RGS12: variants seen among roughly 807,000 people sequenced by gnomAD.
The protein encoded by RGS12 is regulator of G protein signaling 12.
In RGS12, 66 loss-of-function variants were observed where a neutral mutation model predicts 120.1. That is an observed-to-expected ratio of 0.55 (90% CI 0.45 to 0.67). The LOEUF (loss-of-function observed/expected upper bound fraction) is 0.67. Among genes scored for constraint, RGS12 ranks in the 30% least tolerant of loss-of-function variants. The probability of loss-of-function intolerance (pLI) is 0.00; values close to 1 mark genes in which losing one functional copy is unlikely to be tolerated. For synonymous variants in RGS12, 827 were observed against 804.7 expected (o/e 1.03, Z -0.47); for missense variants, 1,859 against 1,957.7 (o/e 0.95, Z 0.95).
chr4:3,310,244 C>T (rs1343973389), intron 1 of RGS12, among the ~76,000 whole-genome samples: 3 of 121,766 alleles, frequency 2.5e-5, no homozygotes, highest in Non-Finnish European at 1.8e-5. Flanking sequence ...AGCTGGGACC[C>T]GGGAAATGGC....
intron 4 of RGS12, among the ~76,000 whole-genome samples, chr4:3,401,245 A>G (rs543898737): frequency 2.6e-5 from 4 of 152,372 alleles, no homozygotes; most frequent in African/African-American, 9.6e-5. Context: ...GTATAGGACC[A>G]GAATTTTAGG....
intron 2 of RGS12, among the ~76,000 whole-genome samples, chr4:3,337,178 A>G (rs1471172501): frequency 2.0e-5 from 3 of 152,208 alleles, no homozygotes; most frequent in South Asian, 2.1e-4. Flanking sequence ...TGGGATGGCT[A>G]CTATAAAACA....
In RGS12 at chr4:3,368,137, C is replaced by G. The variant is rs567737628; in HGVS notation, c.1999-18279C>G. Among the ~76,000 whole-genome samples the G allele has an allele frequency of 2.0e-4, 31 of 152,264 alleles. No individual in the cohort carries two copies. In the East Asian group the frequency reaches 4.6e-3, roughly 23 times the overall value. On this transcript the variant is annotated intron_variant, in intron 3 of 17. Coordinates refer to ENST00000336727, the MANE Select transcript of RGS12 (RefSeq NM_001394154.1). Reference sequence around the variant, plus strand: ...CCAGGGTCTGGGGGCCCTGGGGGGCCAGGATGCTGTTGTCCTCTGCTCCCG... The same window carrying G: ...CCAGGGTCTGGGGGCCCTGGGGGGCGAGGATGCTGTTGTCCTCTGCTCCCG...
intron 3 of RGS12, among the ~76,000 whole-genome samples, chr4:3,363,435 G>A (rs908525832): frequency 3.3e-4 from 50 of 152,190 alleles, no homozygotes; most frequent in Middle Eastern, 6.8e-3. Flanking sequence ...CAGCCTCCCC[G>A]AGAGACCCCA....
chr4:3,349,920 A>G (rs1319327394), intron 3 of RGS12, among the ~76,000 whole-genome samples: 3 of 152,210 alleles, frequency 2.0e-5, no homozygotes, highest in Non-Finnish European at 4.4e-5. Flanking sequence ...TTAACATAGC[A>G]TAACTTTAAG....
intron 17 of RGS12, among the ~76,000 whole-genome samples, chr4:3,436,216 G>A (rs958498672): frequency 6.6e-6 from 1 of 152,180 alleles, no homozygotes; most frequent in Admixed American, 6.5e-5. Context: ...CTTAGCAGGA[G>A]CCCGTGGGGT....
intron 1 of RGS12, among the ~76,000 whole-genome samples, chr4:3,294,024 G>GT (rs1578659575): frequency 6.6e-6 from 1 of 152,270 alleles, no homozygotes; most frequent in African/African-American, 2.4e-5. Context: ...AGTGTGGACA[G>GT]AGAGGACCAC....
At position 3,414,153 on chromosome 4, in the gene RGS12, G is replaced by T. The variant is rs1463989919; in HGVS notation, c.2102G>T (p.Cys701Phe). 1.3e-6 allele frequency: 2 copies of T among 1,559,924 alleles called. No individual in the cohort carries two copies. The highest frequency in any genetic ancestry group is 8.6e-7 in the Non-Finnish European group (1 of 1,158,352). The change falls in exon 5 of 18, where the codon TGC (cysteine) becomes TTC (phenylalanine). Residue 701 changes from cysteine (C) to phenylalanine (F), a missense_variant. Coordinates refer to ENST00000336727, the MANE Select transcript of RGS12 (RefSeq NM_001394154.1). ...SNASLPSVQS[C>F]RRLRERRVAS... The stretch of plus-strand genomic sequence containing the variant: ...GCCAGCCTCCCCAGCGTGCAGAGCT[G>T]CCGGCGCCTGCGTGAGAGGAGGGTC...
At chr4:3,332,768 T>G (rs946829520) in intron 2 of RGS12, among the ~76,000 whole-genome samples, 22 of 152,366 alleles carry the variant, frequency 1.4e-4, no homozygotes, top group Admixed American at 1.4e-3. Context: ...GACTCCTGTT[T>G]TCACTCTTCT....
intron 3 of RGS12, among the ~76,000 whole-genome samples, chr4:3,368,102 G>A (rs2108874992): frequency 6.6e-6 from 1 of 152,328 alleles, no homozygotes; most frequent in Non-Finnish European, 1.5e-5. Context: ...TCAGGCGCTG[G>A]TGGCTGTTCC....
intron 3 of RGS12, among the ~76,000 whole-genome samples, chr4:3,353,961 A>G (rs1260597202): frequency 8.5e-5 from 13 of 152,166 alleles, no homozygotes; most frequent in Admixed American, 8.5e-4. Flanking sequence ...CTATGGAGAA[A>G]GACTGGGGAA....
At chr4:3,318,246 C>T (rs1424054943) in intron 2 of RGS12, among the ~76,000 whole-genome samples, 195 bp downstream of exon 2, 5 of 152,170 alleles carry the variant, frequency 3.3e-5, no homozygotes, top group African/African-American at 9.7e-5. Flanking sequence ...TTGCCCCCTG[C>T]CCTGTTCGAG....
intron 2 of RGS12, among the ~76,000 whole-genome samples, chr4:3,329,418 AGT>A (rs1250177091): frequency 6.6e-6 from 1 of 152,122 alleles, no homozygotes; most frequent in Non-Finnish European, 1.5e-5. Flanking sequence ...AGCTTGAGAG[AGT>A]GTGTTGCACA....
At chr4:3,354,923 A>G (rs1407051278) in intron 3 of RGS12, among the ~76,000 whole-genome samples, 1 of 152,228 alleles carries the variant, frequency 6.6e-6, no homozygotes, top group Non-Finnish European at 1.5e-5. Flanking sequence ...AACAAAAAAT[A>G]AAGAAAGATT....
At position 3,365,253 on chromosome 4, in the gene RGS12, C is replaced by T. The variant is rs192559222; in HGVS notation, c.1999-21163C>T. ...ATAGAGTCTCCCTGGGCTGCAGTTC[C>T]GTCTGCTGTTTTCATGCTACAGCGG... On this transcript the variant is annotated intron_variant, in intron 3 of 17. Transcript: ENST00000336727. The surrounding 1 kb of genome is among the most constrained non-coding windows in gnomAD (Gnocchi z 4.0). 5.3e-5 allele frequency among the ~76,000 whole-genome samples: 8 copies of T among 152,252 alleles called. No homozygotes were observed. Among genetic ancestry groups the T allele is most frequent in the Admixed American group, 3.3e-4 (5 of 15,292 alleles).
intron 9 of RGS12, 177 bp downstream of exon 9, chr4:3,417,718 C>A: frequency 6.2e-6 from 4 of 650,052 alleles, no homozygotes; most frequent in Non-Finnish European, 7.8e-6. Context: ...GGGGACACGA[C>A]CTGTCAGCCA....
intron 10 of RGS12, among the ~76,000 whole-genome samples, chr4:3,422,134 C>T (rs1179438361): frequency 2.0e-5 from 3 of 152,188 alleles, no homozygotes; most frequent in Admixed American, 2.0e-4. Flanking sequence ...AGCACGATGG[C>T]CCTTGAGGCC....
At chr4:3,305,113 C>T (rs1723901628) in intron 1 of RGS12, among the ~76,000 whole-genome samples, 1 of 152,250 alleles carries the variant, frequency 6.6e-6, no homozygotes, top group African/African-American at 2.4e-5. Context: ...ACGTGGGCGG[C>T]TTCCTTGGGC....
chr4:3,313,936 C>T (rs140516270), intron 1 of RGS12, among the ~76,000 whole-genome samples: 35 of 152,050 alleles, frequency 2.3e-4, no homozygotes, highest in African/African-American at 7.7e-4. Context: ...TTAAGAAGAT[C>T]GATCCCCAGA....
Sources: allele counts gnomAD v4.1 joint callset (sites outside exome capture counted in the v4.1 genomes callset), GRCh38; gene constraint gnomAD v4.1.1; non-coding constraint Gnocchi (gnomAD v3.1); transcripts MANE v1.5; gene names NCBI Gene and HGNC (gene_info 2026-07-23, HGNC 2026-07-21).